Variants in ARFGEF3 observed in about 807,000 individuals in gnomAD.
ARFGEF3 encodes the protein ARFGEF family member 3, also known as brefeldin A-inhibited guanine nucleotide-exchange protein 3.
ARFGEF3 carries 96 observed loss-of-function variants against 221.7 expected under a neutral mutation model. That is an observed-to-expected ratio of 0.43 (90% CI 0.37 to 0.51). The LOEUF is 0.51. ARFGEF3 is among the 20% of genes least tolerant of loss of function. The pLI, the probability that ARFGEF3 is intolerant of heterozygous loss-of-function variation, is 0.00. For missense variants in ARFGEF3, 2,410 were observed against 2,789.9 expected (o/e 0.86, Z 3.07); for synonymous variants, 1,145 against 1,126.8 (o/e 1.02, Z -0.32).
At position 138,167,598 on chromosome 6, in the gene ARFGEF3, A is replaced by G. The variant is rs78460180; in HGVS notation, c.86-3064A>G. Among the ~76,000 whole-genome samples the G allele has an allele frequency of 5.1e-3, 774 of 152,296 alleles. 7 individuals carry two copies. The highest frequency in any genetic ancestry group is 0.017 in the African/African-American group (719 of 41,564). On this transcript the variant is annotated intron_variant, in intron 1 of 33. Transcript: ENST00000251691. ...CCTTGATACATTTCTGTAATTTGCCATCTTACCTAGTCCGTCACCCAAGCT... is the reference window on the plus strand; with the variant it reads ...CCTTGATACATTTCTGTAATTTGCCGTCTTACCTAGTCCGTCACCCAAGCT...
chr6:138,181,584 C>T (rs1456741404), intron 2 of ARFGEF3, among the ~76,000 whole-genome samples: 1 of 152,186 alleles, frequency 6.6e-6, no homozygotes, highest in African/African-American at 2.4e-5. Flanking sequence ...GCTGGAGTTA[C>T]AGGCATCCAC....
chr6:138,287,257 C>T (rs548850883), intron 17 of ARFGEF3, 73 bp downstream of exon 17: 15 of 1,100,420 alleles, frequency 1.4e-5, no homozygotes, highest in South Asian at 1.4e-5. Context: ...GGCCTACACA[C>T]GCCAGCCAAC....
chr6:138,229,116 C>T (rs1778145816), intron 4 of ARFGEF3, among the ~76,000 whole-genome samples: 2 of 152,112 alleles, frequency 1.3e-5, no homozygotes, highest in South Asian at 4.1e-4. Context: ...TAAGTAAACA[C>T]CATGTAACAT....
In ARFGEF3 at chr6:138,291,900, C is replaced by G; in HGVS notation, c.3215C>G (p.Ser1072Cys). The G allele has an allele frequency of 4.0e-6, 6 of 1,490,372 alleles. No homozygotes were observed. The highest frequency in any genetic ancestry group is 5.4e-6 in the Non-Finnish European group (6 of 1,115,134). The allele number at this position is 1,490,372 out of a possible 1,614,324, so 92.3% of individuals were successfully genotyped here. A position where few individuals can be genotyped will look rare whatever the true frequency, so the allele number is the denominator to read the frequency against. Residue 1072 changes from serine (S) to cysteine (C), a missense_variant, in exon 19 of 34, where the codon TCC becomes TGC. By Grantham distance (112) the Ser-to-Cys change is moderately radical. Coordinates refer to ENST00000251691, the MANE Select transcript of ARFGEF3 (RefSeq NM_020340.5). The surrounding 1 kb of genome is among the most constrained non-coding windows in gnomAD (Gnocchi z 4.5). ...PPEHSPEQGR[S>C]LSTAPVVQPL... Reference sequence around the variant, plus strand: ...GAGCACAGCCCGGAGCAGGGGCGCTCCCTGAGCACGGCCCCTGTCGTCCAG... The same window carrying G: ...GAGCACAGCCCGGAGCAGGGGCGCTGCCTGAGCACGGCCCCTGTCGTCCAG...
rs540160806 is a variant in ARFGEF3 at position 138,195,808 on chromosome 6, C to G, written c.138-11234C>G. ...TTGACAAAGAGCTTCTTACGAAAAC[C>G]TTAAAGAGCAGACGCTTTCCACGGT... On this transcript the variant is annotated intron_variant, in intron 2 of 33. Transcript: ENST00000251691. Among the ~76,000 whole-genome samples the G allele has an allele frequency of 4.6e-5, 7 of 152,026 alleles. No individual in the cohort carries two copies. The East Asian group carries it at 1.4e-3, about 29-fold the overall frequency.
In ARFGEF3 at chr6:138,342,788, TTGAGA is replaced by T. The variant is rs1382709773; in HGVS notation, c.*6313_*6317del. 1.3e-5 allele frequency: 2 copies of T among 152,236 alleles called. No homozygotes were observed. The highest frequency in any genetic ancestry group is 2.4e-5 in the African/African-American group (1 of 41,460). 9.4% of individuals were successfully genotyped at this position (152,236 alleles called of 1,614,324 possible). A position where few individuals can be genotyped will look rare whatever the true frequency, so the allele number is the denominator to read the frequency against. On this transcript the variant is annotated 3_prime_UTR_variant, in exon 34 of 34. Transcript: ENST00000251691. ...CATTGGCCACCAAAATATTAGCCAT[TTGAGA>T]TGAGATGAGACTACTTGTTGTACCT...
intron 2 of ARFGEF3, among the ~76,000 whole-genome samples, chr6:138,174,547 T>A (rs935059291): frequency 6.8e-6 from 1 of 147,416 alleles, no homozygotes; most frequent in Admixed American, 6.9e-5. Context: ...TTGAGGAGAA[T>A]TTGGATATGT....
At chr6:138,254,215 G>A (rs376321239) in intron 9 of ARFGEF3, among the ~76,000 whole-genome samples, 1 of 151,994 alleles carries the variant, frequency 6.6e-6, no homozygotes, top group Non-Finnish European at 1.5e-5. Flanking sequence ...CCAGGAGCTC[G>A]AGACCAGCCT....
chr6:138,217,752 TAAC>T (rs1185496268), intron 4 of ARFGEF3: 4 of 541,778 alleles, frequency 7.4e-6, no homozygotes, highest in East Asian at 3.6e-5. Flanking sequence ...CTAGGATAAA[TAAC>T]AAACTAAATT....
intron 5 of ARFGEF3, among the ~76,000 whole-genome samples, chr6:138,234,103 C>T (rs1778241685): frequency 6.6e-6 from 1 of 152,188 alleles, no homozygotes; most frequent in African/African-American, 2.4e-5. Context: ...CCATACCTCC[C>T]TTAAACCTCT....
In ARFGEF3 at chr6:138,280,094, C is replaced by T. The variant is rs1307147816; in HGVS notation, c.2391C>T (p.Asn797=). The change falls in exon 14 of 34, where the codon AAC becomes AAT. Residue 797 remains asparagine, a synonymous_variant. Transcript: ENST00000251691. ...EELYHQVLDR[N]MLGEAGYWGS... is the part of the protein sequence containing the mutation. ...TCTACCATCAGGTGCTCGACAGGAA[C>T]ATGCTTGGAGAGGCTGGCTATTGGG... 1 of 1,613,918 alleles carries T rather than the reference C, an allele frequency of 6.2e-7. No individual in the cohort carries two copies. Among genetic ancestry groups the T allele is most frequent in the East Asian group, 2.2e-5 (1 of 44,882 alleles).
chr6:138,230,121 A>G (rs921465478), intron 5 of ARFGEF3, among the ~76,000 whole-genome samples: 1 of 151,838 alleles, frequency 6.6e-6, no homozygotes, highest in Non-Finnish European at 1.5e-5. Flanking sequence ...GGTTCCCCTT[A>G]CCCTGCTCCA....
intron 4 of ARFGEF3, among the ~76,000 whole-genome samples, chr6:138,221,099 ATCAGG>A (rs1205867397): frequency 1.3e-5 from 2 of 152,178 alleles, no homozygotes; most frequent in African/African-American, 4.8e-5. Context: ...CAATTGCTGC[ATCAGG>A]TCCAGGTGGG....
Position 138,285,987 on chromosome 6 carries a change from A to C in ARFGEF3, c.2503A>C (p.Met835Leu). Residue 835 changes from methionine (M) to leucine (L), a missense_variant, in exon 15 of 34, where the codon ATG becomes CTG. Met to Leu is a conservative substitution (Grantham distance 15, BLOSUM62 2). Around this residue, in one of 5 missense-constraint regions of ARFGEF3, gnomAD observed 594 missense variants for 734.3 expected, o/e 0.81. Transcript: ENST00000251691. ...GAGCAGTGCCATTGGTGGCCAGCTG[A>C]TGGCCTCGGCTGCTACAGAGTCTCC... Reference protein sequence around the residue: ...LESSAIGGQLMASAATESPFA... With the variant: ...LESSAIGGQLLASAATESPFA... 1.2e-6 allele frequency: 2 copies of C among 1,611,714 alleles called. No individual in the cohort carries two copies. Among genetic ancestry groups the C allele is most frequent in the South Asian group, 2.2e-5 (2 of 91,076 alleles).
chr6:138,327,831 C>T (rs1055328540), intron 31 of ARFGEF3, among the ~76,000 whole-genome samples, 190 bp from the exon 32 acceptor site: 3 of 152,110 alleles, frequency 2.0e-5, no homozygotes, highest in African/African-American at 4.8e-5. Flanking sequence ...TTATTTACTC[C>T]TCTGTTCTAA....
At chr6:138,215,878 G>C (rs1355227110) in intron 4 of ARFGEF3, 1 of 118,194 alleles carries the variant, frequency 8.5e-6, no homozygotes, top group Non-Finnish European at 1.7e-5. Flanking sequence ...GTGTGTGTGT[G>C]TGTGTGTGTG....
In ARFGEF3 at chr6:138,295,627, C is replaced by CAAAAAAAA. The variant is rs34138067; in HGVS notation, c.3503-1177_3503-1170dup. Among the ~76,000 whole-genome samples the CAAAAAAAA allele has an allele frequency of 8.2e-4, 103 of 126,030 alleles. 1 individual carries two copies. In the East Asian group the frequency reaches 0.01, roughly 13 times the overall value. 82.7% of individuals were successfully genotyped at this position (126,030 alleles called of 152,430 possible). A position where few individuals can be genotyped will look rare whatever the true frequency, so the allele number is the denominator to read the frequency against. ...CCTGGGCGACAGAGTGAGACTCCCTCAAAAAAAAAAAAAGAAAGAAAGAAA... is the reference window on the plus strand; with the variant it reads ...CCTGGGCGACAGAGTGAGACTCCCTCAAAAAAAAAAAAAAAAAAAAAGAAAGAAAGAAA... On this transcript the variant is annotated intron_variant, in intron 20 of 33. Coordinates refer to ENST00000251691, the MANE Select transcript of ARFGEF3 (RefSeq NM_020340.5).
At chr6:138,319,046 T>G (rs777858175) in intron 27 of ARFGEF3, among the ~76,000 whole-genome samples, 1 of 151,278 alleles carries the variant, frequency 6.6e-6, no homozygotes, top group Non-Finnish European at 1.5e-5. Flanking sequence ...CTCAAATTCC[T>G]GGGCTCAAGC....
intron 10 of ARFGEF3, 29 bp downstream of exon 10, chr6:138,255,798 G>C: frequency 6.8e-7 from 1 of 1,473,128 alleles, no homozygotes; most frequent in Non-Finnish European, 9.1e-7. Context: ...TCGCCACCAG[G>C]TTTACAAGGG....
Sources: gnomAD v4.1 joint callset for allele counts (sites outside exome capture counted in the v4.1 genomes callset) on GRCh38, gnomAD v4.1.1 for gene constraint, gnomAD v4.1.1 regional missense constraint, Gnocchi (gnomAD v3.1) non-coding constraint, MANE v1.5 for transcripts, NCBI Gene and HGNC (gene_info 2026-07-23, HGNC 2026-07-21) for gene names.